UTS2B: variants seen among roughly 807,000 people sequenced by gnomAD.
UTS2B encodes urotensin-2B.
UTS2B carries 21 observed loss-of-function variants against 19.2 expected under a neutral mutation model. The ratio of observed to expected loss-of-function variants is 1.09; its 90% CI spans 0.78 to 1.58. The LOEUF (loss-of-function observed/expected upper bound fraction) is 1.58. UTS2B is among the 40% of genes most tolerant of loss of function. The probability of loss-of-function intolerance (pLI) is 0.00; values close to 1 mark genes in which losing one functional copy is unlikely to be tolerated. For missense variants in UTS2B, 138 were observed against 130.3 expected (o/e 1.06, Z -0.29); for synonymous variants, 57 against 50.2 (o/e 1.14, Z -0.58).
At chr3:191,287,174 CCAAA>C (rs1244172664) in intron 4 of UTS2B, among the ~76,000 whole-genome samples, 4 of 151,996 alleles carry the variant, frequency 2.6e-5, no homozygotes, top group African/African-American at 9.7e-5. Flanking sequence ...CTGAATTCAA[CCAAA>C]CATTTAAATA....
At chr3:191,341,620 T>G in the UTS2B span, among the ~76,000 whole-genome samples, 1 of 152,206 alleles carries the variant, frequency 6.6e-6, no homozygotes, top group Non-Finnish European at 1.5e-5. Context: ...GGCTTTTCTC[T>G]TCTCAGAGTG....
upstream of UTS2B, among the ~76,000 whole-genome samples, chr3:191,335,199 AC>A (rs1006311668): frequency 6.6e-6 from 1 of 152,206 alleles, no homozygotes; most frequent in African/African-American, 2.4e-5. Context: ...TATGGAGACC[AC>A]TAAACTTAAG....
intron 8 of UTS2B, among the ~76,000 whole-genome samples, chr3:191,272,884 G>A (rs1435971368): frequency 6.7e-6 from 1 of 150,014 alleles, no homozygotes; most frequent in Non-Finnish European, 1.5e-5. Context: ...AAAAAAATGG[G>A]CAGGGCACAG....
intron 4 of UTS2B, among the ~76,000 whole-genome samples, chr3:191,296,934 G>C (rs1333178546): frequency 6.6e-6 from 1 of 152,186 alleles, no homozygotes; most frequent in African/African-American, 2.4e-5. Context: ...GTGGTTATTT[G>C]ATAGGCAAAT....
the UTS2B span, among the ~76,000 whole-genome samples, chr3:191,339,356 A>C: frequency 6.6e-6 from 1 of 152,222 alleles, no homozygotes; most frequent in Non-Finnish European, 1.5e-5. Flanking sequence ...GAGTTATGAT[A>C]TAAAATTTTC....
chr3:191,300,653 C>T (rs936892308), intron 4 of UTS2B, among the ~76,000 whole-genome samples: 1 of 152,216 alleles, frequency 6.6e-6, no homozygotes, highest in African/African-American at 2.4e-5. Context: ...CCAAATGTCA[C>T]ATCAAATTGT....
intron 1 of UTS2B, chr3:191,329,340 G>T (rs1435346112): frequency 2.6e-5 from 7 of 271,744 alleles, no homozygotes; most frequent in Non-Finnish European, 6.8e-6. Context: ...TCCCCCAGCC[G>T]GCCCGCCCGC....
chr3:191,298,834 C>T (rs938114624), intron 4 of UTS2B, among the ~76,000 whole-genome samples: 2 of 152,052 alleles, frequency 1.3e-5, no homozygotes, highest in Non-Finnish European at 2.9e-5. Context: ...ATAATGATAT[C>T]GACAGTGAAG....
At chr3:191,335,525 A>G (rs1349181146), upstream of UTS2B, among the ~76,000 whole-genome samples, 1 of 152,158 alleles carries the variant, frequency 6.6e-6, no homozygotes, top group Admixed American at 6.5e-5. Context: ...TTTGAATTTA[A>G]AAACCAGCGC....
At chr3:191,283,769 T>C (rs576559182) in intron 4 of UTS2B, among the ~76,000 whole-genome samples, 2 of 114,800 alleles carry the variant, frequency 1.7e-5, no homozygotes, top group Non-Finnish European at 2.3e-5. Context: ...CAACTCTTTG[T>C]GTCTTACTTT....
At chr3:191,328,759 G>C (rs556422705) in intron 1 of UTS2B, 50 bp from the exon 2 acceptor site, 9 of 152,338 alleles carry the variant, frequency 5.9e-5, no homozygotes, top group African/African-American at 2.2e-4. Context: ...TGTGTGCAGC[G>C]CTATAACAGA....
intron 2 of UTS2B, among the ~76,000 whole-genome samples, chr3:191,316,977 G>A (rs367917083): frequency 2.2e-4 from 34 of 152,362 alleles, no homozygotes; most frequent in South Asian, 6.2e-4. Context: ...CGGGGCTGCC[G>A]GCGGAGCCTC....
intron 4 of UTS2B, among the ~76,000 whole-genome samples, chr3:191,289,302 G>T (rs1230701387): frequency 1.3e-5 from 2 of 151,738 alleles, no homozygotes; most frequent in Admixed American, 6.6e-5. Context: ...CCAGGTGCTC[G>T]GGAGGCTGAG....
At chr3:191,308,156 G>T (rs1017400450) in intron 3 of UTS2B, among the ~76,000 whole-genome samples, 2 of 152,156 alleles carry the variant, frequency 1.3e-5, no homozygotes, top group African/African-American at 4.8e-5. Context: ...TCTGTTAGTG[G>T]AAAACGCAGA....
At chr3:191,317,960 A>G (rs1717512405) in intron 2 of UTS2B, among the ~76,000 whole-genome samples, 1 of 152,046 alleles carries the variant, frequency 6.6e-6, no homozygotes, top group African/African-American at 2.4e-5. Flanking sequence ...TGGCCTTCTT[A>G]TGTCAAGGCT....
chr3:191,269,589 G>C (rs1716032483), intron 8 of UTS2B, among the ~76,000 whole-genome samples: 1 of 151,170 alleles, frequency 6.6e-6, no homozygotes, highest in Non-Finnish European at 1.5e-5. Flanking sequence ...CATGATCATA[G>C]AGTGCTACAG....
intron 8 of UTS2B, among the ~76,000 whole-genome samples, chr3:191,269,321 G>A (rs771417771): frequency 5.3e-5 from 8 of 152,084 alleles, no homozygotes; most frequent in Non-Finnish European, 7.4e-5. Context: ...CGTAGCCCCT[G>A]TGCTTATCAC....
intron 4 of UTS2B, among the ~76,000 whole-genome samples, chr3:191,293,934 C>T (rs1716784185): frequency 6.6e-6 from 1 of 151,598 alleles, no homozygotes. Context: ...CATGGAGAAA[C>T]CCTGTCTCTA....
intron 4 of UTS2B, among the ~76,000 whole-genome samples, chr3:191,303,083 A>G (rs1346740082): frequency 6.6e-6 from 1 of 152,198 alleles, no homozygotes. Flanking sequence ...GCACAAAAAC[A>G]GCATTTGTTC....
Sources: gnomAD v4.1 joint callset for allele counts (sites outside exome capture counted in the v4.1 genomes callset) on GRCh38, gnomAD v4.1.1 for gene constraint, MANE v1.5 for transcripts, NCBI Gene and HGNC (gene_info 2026-07-23, HGNC 2026-07-21) for gene names.